Variants in RCOR1 observed in about 807,000 individuals in gnomAD.
RCOR1 encodes the protein REST corepressor.
A neutral mutation model predicts 64.0 loss-of-function variants in RCOR1; 12 were observed. That is an observed-to-expected ratio of 0.19 (90% confidence interval 0.12 to 0.30). The LOEUF (loss-of-function observed/expected upper bound fraction) is 0.30, where lower values mean the gene tolerates loss of function less well. RCOR1 is among the 10% of genes least tolerant of loss of function. RCOR1 has a pLI of 1.00. For synonymous variants in RCOR1, 279 were observed against 227.2 expected (o/e 1.23, Z -2.05); for missense variants, 502 against 621.2 (o/e 0.81, Z 2.04).
chr14:102,683,018 C>A (rs1010892028), intron 3 of RCOR1, among the ~76,000 whole-genome samples: 2 of 152,114 alleles, frequency 1.3e-5, no homozygotes, highest in African/African-American at 4.8e-5. Context: ...GTCACTTTTC[C>A]TATTGTATTG....
intron 2 of RCOR1, among the ~76,000 whole-genome samples, chr14:102,633,222 A>G (rs78170763): frequency 0.023 from 3,572 of 152,220 alleles, 140 homozygotes; most frequent in African/African-American, 0.077. Context: ...AAGAGACTCT[A>G]ATAATCCAAT....
At chr14:102,688,791 A>T (rs1895471980) in intron 3 of RCOR1, among the ~76,000 whole-genome samples, 1 of 152,156 alleles carries the variant, frequency 6.6e-6, no homozygotes, top group Non-Finnish European at 1.5e-5. Context: ...CGTTGCTGTG[A>T]TACGGTATCA....
chr14:102,683,875 C>T (rs1420010571), intron 3 of RCOR1, among the ~76,000 whole-genome samples: 1 of 152,246 alleles, frequency 6.6e-6, no homozygotes, highest in African/African-American at 2.4e-5. Context: ...ATACACCAGT[C>T]CCTAGCTCTG....
At chr14:102,712,448 C>T (rs1034087742) in intron 7 of RCOR1, among the ~76,000 whole-genome samples, 1 of 151,760 alleles carries the variant, frequency 6.6e-6, no homozygotes, top group Non-Finnish European at 1.5e-5. Context: ...GTATACGTAG[C>T]TATATATTAT....
At chr14:102,709,517 A>G (rs149084398) in intron 6 of RCOR1, among the ~76,000 whole-genome samples, 1,998 of 152,330 alleles carry the variant, frequency 0.013, 21 homozygotes, top group Admixed American at 0.017. Flanking sequence ...TATCATTTCA[A>G]ATGAAAGAGT....
intron 5 of RCOR1, 60 bp downstream of exon 5, chr14:102,707,572 C>T (rs550305555): frequency 1.5e-6 from 2 of 1,355,766 alleles, no homozygotes; most frequent in African/African-American, 1.5e-5. Flanking sequence ...TCTTTTGCAG[C>T]ATACTTGAGA....
At chr14:102,613,394 A>C (rs1595194498) in intron 2 of RCOR1, among the ~76,000 whole-genome samples, 1 of 146,754 alleles carries the variant, frequency 6.8e-6, no homozygotes, top group African/African-American at 2.5e-5. Context: ...GAGCCATCGC[A>C]CCTGGCCTTT....
intron 2 of RCOR1, among the ~76,000 whole-genome samples, chr14:102,609,025 CTTTTTTTTTTTT>C (rs1004210046): frequency 1.9e-5 from 2 of 107,004 alleles, no homozygotes; most frequent in Non-Finnish European, 3.9e-5. Flanking sequence ...CTGTGCTTCA[CTTTTTTTTTTTT>C]TTTTTTTTTT....
rs1166707741 is a variant in RCOR1 at position 102,604,393 on chromosome 14, GA to G, written c.361+11069del. ...CTTATAAGGCAATGGGTAGTGTGTG[GA>G]TAGGGAGGTACAACTTGTCATCACT... On this transcript the variant is annotated intron_variant, in intron 2 of 11. Transcript: ENST00000262241. 2.0e-5 allele frequency among the ~76,000 whole-genome samples: 3 copies of G among 152,170 alleles called. No individual in the cohort carries two copies. In the East Asian group the frequency reaches 5.8e-4, roughly 29 times the overall value.
chr14:102,658,507 TCTTA>T (rs1197310264), intron 2 of RCOR1: 3 of 983,964 alleles, frequency 3.0e-6, no homozygotes, highest in Non-Finnish European at 3.6e-6. Flanking sequence ...AAAATGGTTT[TCTTA>T]CTTTTATGAC....
At chr14:102,605,105 C>G (rs1893479825) in intron 2 of RCOR1, among the ~76,000 whole-genome samples, 1 of 148,030 alleles carries the variant, frequency 6.8e-6, no homozygotes, top group South Asian at 2.1e-4. Flanking sequence ...AGAAAAAACA[C>G]TTAGGAGCAA....
intron 8 of RCOR1, 197 bp from the exon 9 acceptor site, chr14:102,720,810 T>C (rs1300904471): frequency 4.6e-6 from 2 of 438,076 alleles, no homozygotes; most frequent in East Asian, 7.8e-5. Context: ...TTGTACCTTA[T>C]CTGTTGCTCT....
intron 4 of RCOR1, among the ~76,000 whole-genome samples, chr14:102,702,239 T>A (rs991456648): frequency 2.0e-5 from 3 of 152,170 alleles, no homozygotes; most frequent in African/African-American, 4.8e-5. Flanking sequence ...TTAATTACTC[T>A]ATCCTGGTCA....
At position 102,730,465 on chromosome 14, in the gene RCOR1, T is replaced by G. The variant is rs1357414636; in HGVS notation, c.*3959T>G. On this transcript the variant is annotated 3_prime_UTR_variant, in exon 12 of 12. Coordinates refer to ENST00000262241, the MANE Select transcript of RCOR1 (RefSeq NM_015156.4). ...AATGATAACATTTGTTAGTGGAAATTGGAAAATTTATTTGTGAAATTCTGC... is the reference window on the plus strand; with the variant it reads ...AATGATAACATTTGTTAGTGGAAATGGGAAAATTTATTTGTGAAATTCTGC... The G allele has an allele frequency of 6.5e-6, 1 of 154,142 alleles. No individual in the cohort carries two copies. Among genetic ancestry groups the G allele is most frequent in the Non-Finnish European group, 1.4e-5 (1 of 69,080 alleles). The allele number at this position is 154,142 out of a possible 1,614,324, so 9.5% of individuals were successfully genotyped here.
At chr14:102,708,723 G>C in intron 6 of RCOR1, 140 bp downstream of exon 6, 2 of 518,962 alleles carry the variant, frequency 3.9e-6, no homozygotes, top group Non-Finnish European at 3.4e-6. Flanking sequence ...GTATTAGAGC[G>C]TGTCACATTA....
chr14:102,664,487 A>G (rs1165402650), intron 2 of RCOR1, among the ~76,000 whole-genome samples: 5 of 152,208 alleles, frequency 3.3e-5, no homozygotes, highest in Non-Finnish European at 5.9e-5. Context: ...AGTATTTTTG[A>G]AATAACCTTC....
chr14:102,705,284 G>A (rs35892383), intron 4 of RCOR1, among the ~76,000 whole-genome samples: 10,608 of 152,202 alleles, frequency 0.07, 575 homozygotes, highest in African/African-American at 0.15. Context: ...TCATGTCCAA[G>A]TATGTCTTTC....
chr14:102,702,584 C>G (rs1221383891), intron 4 of RCOR1, among the ~76,000 whole-genome samples: 1 of 151,948 alleles, frequency 6.6e-6, no homozygotes, highest in East Asian at 1.9e-4. Flanking sequence ...AAGTGTGATA[C>G]TTGAAGAGCA....
At chr14:102,610,607 G>T (rs1252722015) in intron 2 of RCOR1, among the ~76,000 whole-genome samples, 1 of 152,146 alleles carries the variant, frequency 6.6e-6, no homozygotes, top group East Asian at 1.9e-4. Context: ...CTGTTCCCCA[G>T]GCTGGAGTGC....
Sources: gnomAD v4.1 joint callset for allele counts (sites outside exome capture counted in the v4.1 genomes callset) on GRCh38, gnomAD v4.1.1 for gene constraint, MANE v1.5 for transcripts, NCBI Gene and HGNC (gene_info 2026-07-23, HGNC 2026-07-21) for gene names.